Variants in ST7L observed in about 807,000 individuals in gnomAD.
ST7L encodes the protein suppressor of tumorigenicity 7 protein-like.
Under a neutral mutation model 72.5 loss-of-function variants are expected in ST7L, and 57 were observed. The observed-to-expected ratio is 0.79, with a 90% CI of 0.64 to 0.98. The LOEUF is 0.98. Among genes scored for constraint, ST7L ranks in the 50% least tolerant of loss-of-function variants. The pLI is 0.00. For missense variants in ST7L, 576 were observed against 672.2 expected, an observed-to-expected ratio of 0.86 and a Z score of 1.58; for synonymous variants, 221 against 240.9, an observed-to-expected ratio of 0.92 and a Z score of 0.77.
intron 11 of ST7L, among the ~76,000 whole-genome samples, chr1:112,564,198 A>G (rs1660597173): frequency 6.6e-6 from 1 of 152,212 alleles, no homozygotes; most frequent in Non-Finnish European, 1.5e-5. Flanking sequence ...TCAGGAGCCA[A>G]ATAAAGTGAC....
At position 112,555,992 on chromosome 1, in the gene ST7L, A is replaced by G. The variant is rs544885795; in HGVS notation, c.1272T>C (p.Ile424=). The G allele has an allele frequency of 6.2e-7, 1 of 1,604,902 alleles. No individual in the cohort carries two copies. Among genetic ancestry groups the G allele is most frequent in the Admixed American group, 1.7e-5 (1 of 58,922 alleles). ...PKYLLEMKSL[I]LPPEHILKRG... is the part of the protein sequence containing the mutation. ...GTTTCAGAATGTGTTCTGGAGGTAA[A>G]ATTAAACTTTTCATCTCTAATAAAT... The change falls in exon 12 of 15, where the codon ATT becomes ATC. Residue 424 remains isoleucine (I), a synonymous_variant. Coordinates refer to ENST00000358039, the MANE Select transcript of ST7L (RefSeq NM_017744.5).
At chr1:112,586,930 T>A (rs1664953032) in intron 6 of ST7L, among the ~76,000 whole-genome samples, 1 of 152,194 alleles carries the variant, frequency 6.6e-6, no homozygotes. Flanking sequence ...TCACTCCCCA[T>A]CTCCCTTGCC....
intron 3 of ST7L, among the ~76,000 whole-genome samples, chr1:112,602,816 C>T (rs558686812): frequency 2.0e-4 from 30 of 150,280 alleles, no homozygotes; most frequent in African/African-American, 6.3e-4. Context: ...CCCAGGTTCA[C>T]GCCATTCTCC....
chr1:112,603,702 T>C (rs1222283932), intron 3 of ST7L, among the ~76,000 whole-genome samples: 7 of 152,234 alleles, frequency 4.6e-5, no homozygotes, highest in African/African-American at 1.2e-4. Flanking sequence ...AGAAATTTAT[T>C]TTCTCACAAT....
chr1:112,518,798 A>G (rs1037126320), downstream of ST7L, among the ~76,000 whole-genome samples: 2 of 152,200 alleles, frequency 1.3e-5, no homozygotes, highest in Non-Finnish European at 2.9e-5. Flanking sequence ...TTCAAAGAAT[A>G]TAAGTCATCC....
Position 112,568,861 on chromosome 1 carries a change from A to AATATAT in ST7L, c.1245+8119_1245+8124dup, listed in dbSNP as rs377429784. On this transcript the variant is annotated intron_variant, in intron 11 of 14. Coordinates refer to ENST00000358039, the MANE Select transcript of ST7L (RefSeq NM_017744.5). ...CCTGTTTTTTATAAATATAAATATA[A>AATATAT]ATATATATATATATATATATATATA... is the stretch of plus-strand genomic sequence containing the variant. 1.5e-3 allele frequency among the ~76,000 whole-genome samples: 170 copies of AATATAT among 114,886 alleles called. 1 individual carries two copies. The highest frequency in any genetic ancestry group is 2.2e-3 in the African/African-American group (63 of 28,782). 75.4% of individuals were successfully genotyped at this position (114,886 alleles called of 152,430 possible). A position where few individuals can be genotyped will look rare whatever the true frequency, so the allele number is the denominator to read the frequency against.
upstream of ST7L, chr1:112,619,616 T>C (rs548292767): frequency 3.6e-6 from 2 of 559,914 alleles, no homozygotes; most frequent in Admixed American, 3.3e-5. Context: ...GTGTAACTCA[T>C]TGGGAAAGAT....
intron 14 of ST7L, among the ~76,000 whole-genome samples, chr1:112,535,051 T>C (rs1274728211): frequency 6.6e-6 from 1 of 152,044 alleles, no homozygotes; most frequent in Non-Finnish European, 1.5e-5. Flanking sequence ...AATTAAACCC[T>C]GGGGAAGGGA....
chr1:112,572,790 G>A (rs961020019), intron 11 of ST7L, among the ~76,000 whole-genome samples: 2 of 152,122 alleles, frequency 1.3e-5, no homozygotes, highest in African/African-American at 4.8e-5. Context: ...TGTGTTGAGA[G>A]AAGTTTCTAG....
downstream of ST7L, among the ~76,000 whole-genome samples, chr1:112,519,025 G>A (rs1468112934): frequency 6.6e-6 from 1 of 152,174 alleles, no homozygotes; most frequent in African/African-American, 2.4e-5. Context: ...TATGTGACTA[G>A]TGGCTGCTAC....
intron 7 of ST7L, among the ~76,000 whole-genome samples, chr1:112,582,924 T>C (rs770577659): frequency 1.3e-5 from 2 of 152,196 alleles, no homozygotes; most frequent in Non-Finnish European, 2.9e-5. Flanking sequence ...AAAATTTCCA[T>C]GGCTAATGTA....
At chr1:112,535,080 G>A (rs915370081) in intron 14 of ST7L, among the ~76,000 whole-genome samples, 3 of 152,064 alleles carry the variant, frequency 2.0e-5, no homozygotes, top group South Asian at 2.1e-4. Flanking sequence ...TGCGTTAAAC[G>A]GTATATTGTT....
At chr1:112,613,721 GTTTTTGTTGTTGTT>G (rs1404507068) in intron 2 of ST7L, among the ~76,000 whole-genome samples, 1 of 151,812 alleles carries the variant, frequency 6.6e-6, no homozygotes, top group Non-Finnish European at 1.5e-5. Flanking sequence ...GTTTTTTTGG[GTTTTTGTTGTTGTT>G]GTTTTGTTGT....
intron 11 of ST7L, among the ~76,000 whole-genome samples, chr1:112,573,678 AT>A (rs1662542992): frequency 6.6e-6 from 1 of 152,136 alleles, no homozygotes; most frequent in East Asian, 1.9e-4. Context: ...AATAATTCTA[AT>A]TTTATACAAA....
At chr1:112,543,480 G>A (rs1022510200) in intron 13 of ST7L, among the ~76,000 whole-genome samples, 3 of 152,128 alleles carry the variant, frequency 2.0e-5, no homozygotes, top group East Asian at 1.9e-4. Flanking sequence ...CCCGGGAGGC[G>A]GAGGGTGCAG....
chr1:112,537,450 TAAG>T (rs1465671062), intron 14 of ST7L, among the ~76,000 whole-genome samples: 5 of 152,228 alleles, frequency 3.3e-5, no homozygotes, highest in African/African-American at 7.2e-5. Context: ...CAAGCCTTGC[TAAG>T]AAGAACACTT....
chr1:112,552,791 G>A (rs920907097), intron 12 of ST7L, among the ~76,000 whole-genome samples: 1 of 152,006 alleles, frequency 6.6e-6, no homozygotes, highest in Non-Finnish European at 1.5e-5. Context: ...CATTGATCAT[G>A]ATTCATGAAA....
chr1:112,608,394 A>T (rs1045898292), intron 3 of ST7L, among the ~76,000 whole-genome samples: 1 of 152,022 alleles, frequency 6.6e-6, no homozygotes, highest in Non-Finnish European at 1.5e-5. Flanking sequence ...AGAATAACTG[A>T]CCACTCTTTC....
chr1:112,594,677 T>C (rs1157665961), intron 5 of ST7L, among the ~76,000 whole-genome samples: 2 of 152,174 alleles, frequency 1.3e-5, no homozygotes, highest in African/African-American at 4.8e-5. Flanking sequence ...GACAGATGGT[T>C]GTCATGGGGA....
Sources: gnomAD v4.1 joint callset for allele counts (sites outside exome capture counted in the v4.1 genomes callset) on GRCh38, gnomAD v4.1.1 for gene constraint, MANE v1.5 for transcripts, NCBI Gene and HGNC (gene_info 2026-07-23, HGNC 2026-07-21) for gene names.